The following RNASE6 variants were observed in gnomAD, a reference collection of about 807,000 sequenced individuals.
The protein encoded by RNASE6 is ribonuclease A family member 6.
For synonymous variants in RNASE6, 64 were observed against 63.6 expected, an observed-to-expected ratio of 1.01 and a Z score of -0.03; for missense variants, 197 against 181.9, an observed-to-expected ratio of 1.08 and a Z score of -0.48.
At position 20,781,978 on chromosome 14, in the gene RNASE6, C is replaced by G; in HGVS notation, c.279C>G (p.His93Gln). 3 of 1,614,204 alleles carry G rather than the reference C, an allele frequency of 1.9e-6. No homozygotes were observed. Among genetic ancestry groups the G allele is most frequent in the Non-Finnish European group, 2.5e-6 (3 of 1,180,030 alleles). ...GCAAAAATCGTCGGCACAACTGCCA[C>G]CAGAGCTCAAAGCCTGTCAACATGA... ...IVCKNRRHNC[H>Q]QSSKPVNMTD... Residue 93 changes from histidine to glutamine, a missense_variant, in exon 2 of 2, where the codon CAC becomes CAG. Transcript: ENST00000304677.
At position 20,782,422 on chromosome 14, in the gene RNASE6, T is replaced by C. The variant is rs924127974; in HGVS notation, c.*270T>C. Reference sequence around the variant, plus strand: ...ACCCTGCAACTTTTGCCAAGCTTTATTGCCCTGTGTTCACAGCAATAAAAC... The same window carrying C: ...ACCCTGCAACTTTTGCCAAGCTTTACTGCCCTGTGTTCACAGCAATAAAAC... On this transcript the variant is annotated 3_prime_UTR_variant, in exon 2 of 2. Coordinates refer to ENST00000304677, the MANE Select transcript of RNASE6 (RefSeq NM_005615.5). 1 of 460,098 alleles carries C rather than the reference T, an allele frequency of 2.2e-6. No individual in the cohort carries two copies. The allele number at this position is 460,098 out of a possible 1,614,324, so 28.5% of individuals were successfully genotyped here.
Position 20,781,354 on chromosome 14 carries a change from T to A in RNASE6, c.-6+16T>A. 1 of 220,588 alleles carries A rather than the reference T, an allele frequency of 4.5e-6. No homozygotes were observed. The allele number at this position is 220,588 out of a possible 1,614,324, so 13.7% of individuals were successfully genotyped here. A position where few individuals can be genotyped will look rare whatever the true frequency, so the allele number is the denominator to read the frequency against. On this transcript the variant is annotated intron_variant, in intron 1 of 1. Transcript: ENST00000304677. ...CTGAGACCAGGTAAGAAAGAAAGCC[T>A]CAGGGCTGGAGCGAGTAGAGCAGTA...
rs1431503522 is a variant in RNASE6, at chr14:20,782,425, C to T, written c.*273C>T. 6.7e-6 allele frequency: 3 copies of T among 451,000 alleles called. No homozygotes were observed. The highest frequency in any genetic ancestry group is 7.9e-5 in the East Asian group (2 of 25,312). 27.9% of individuals were successfully genotyped at this position (451,000 alleles called of 1,614,324 possible). A position where few individuals can be genotyped will look rare whatever the true frequency, so the allele number is the denominator to read the frequency against. ...CTGCAACTTTTGCCAAGCTTTATTG[C>T]CCTGTGTTCACAGCAATAAAACCAC... On this transcript the variant is annotated 3_prime_UTR_variant, in exon 2 of 2. Coordinates refer to ENST00000304677, the MANE Select transcript of RNASE6 (RefSeq NM_005615.5).
In RNASE6 at chr14:20,782,408, T is replaced by A. The variant is rs900352698; in HGVS notation, c.*256T>A. On this transcript the variant is annotated 3_prime_UTR_variant, in exon 2 of 2. Transcript: ENST00000304677. ...GATTCAGATTTCTAACCCTGCAACT[T>A]TTGCCAAGCTTTATTGCCCTGTGTT... 4.1e-6 allele frequency: 2 copies of A among 487,716 alleles called. No homozygotes were observed. Among genetic ancestry groups the A allele is most frequent in the African/African-American group, 2.0e-5 (1 of 51,212 alleles). 30.2% of individuals were successfully genotyped at this position (487,716 alleles called of 1,614,324 possible). A position where few individuals can be genotyped will look rare whatever the true frequency, so the allele number is the denominator to read the frequency against.
chr14:20,782,113 CT>C lies in RNASE6; in HGVS notation c.415del (p.Tyr139ThrfsTer8), dbSNP rs758568966. On this transcript the variant is annotated frameshift_variant, in exon 2 of 2. Coordinates refer to ENST00000304677, the MANE Select transcript of RNASE6 (RefSeq NM_005615.5). LOFTEE classifies it high-confidence loss of function. ...CDPPQKSDPP[Y>X]KLVPVHLDSI... ...ACCCCCCTCAGAAGAGCGATCCCCC[CT>C]ACAAGTTGGTTCCTGTACACTTAGA... is the stretch of plus-strand genomic sequence containing the variant. 1.9e-6 allele frequency: 3 copies of C among 1,611,930 alleles called. No individual in the cohort carries two copies. Among genetic ancestry groups the C allele is most frequent in the Middle Eastern group, 1.7e-4 (1 of 6,050 alleles).
In RNASE6 at chr14:20,781,730, C is replaced by G. The variant is rs1482519424; in HGVS notation, c.31C>G (p.Leu11Val). The G allele has an allele frequency of 6.2e-7, 1 of 1,612,370 alleles. No individual in the cohort carries two copies. Among genetic ancestry groups the G allele is most frequent in the East Asian group, 2.2e-5 (1 of 44,872 alleles). The change falls in exon 2 of 2, where the codon CTG becomes GTG. Residue 11 changes from leucine (L) to valine (V), a missense_variant. Transcript: ENST00000304677. ...GCTATGCTTTCCTCTTCTTTTACTG[C>G]TGCTGGTTCTATGGGGACCAGTGTG... is the stretch of plus-strand genomic sequence containing the variant. MVLCFPLLLLLLVLWGPVCPL... is the reference protein window; with the variant it reads MVLCFPLLLLVLVLWGPVCPL...
Position 20,781,711 on chromosome 14 carries a change from C to T in RNASE6, c.12C>T (p.Cys4=). The T allele has an allele frequency of 6.2e-7, 1 of 1,607,496 alleles. No individual in the cohort carries two copies. The highest frequency in any genetic ancestry group is 8.5e-7 in the Non-Finnish European group (1 of 1,176,544). Residue 4 remains cysteine, a synonymous_variant, in exon 2 of 2, where the codon TGC becomes TGT. Transcript: ENST00000304677. Reference sequence around the variant, plus strand: ...TCTACACAGAAAAGATGGTGCTATGCTTTCCTCTTCTTTTACTGCTGCTGG... The same window carrying T: ...TCTACACAGAAAAGATGGTGCTATGTTTTCCTCTTCTTTTACTGCTGCTGG... MVL[C]FPLLLLLLVL...
intron 1 of RNASE6, 149 bp from the exon 2 acceptor site, chr14:20,781,545 CT>C: frequency 1.6e-6 from 1 of 620,316 alleles, no homozygotes; most frequent in South Asian, 2.3e-5. Flanking sequence ...GCTTCAGGTT[CT>C]TCATAGAATT....
chr14:20,781,770 G>T lies in RNASE6; in HGVS notation c.71G>T (p.Trp24Leu). ...LWGPVCPLHA[W>L]PKRLTKAHWF... ...GGACCAGTGTGTCCACTTCATGCTT[G>T]GCCTAAGCGTCTCACCAAGGCTCAC... Residue 24 changes from tryptophan (W) to leucine (L), a missense_variant, in exon 2 of 2, where the codon TGG becomes TTG. Trp to Leu is a moderately conservative substitution (Grantham distance 61). Transcript: ENST00000304677. 1 of 1,614,068 alleles carries T rather than the reference G, an allele frequency of 6.2e-7. No individual in the cohort carries two copies. Among genetic ancestry groups the T allele is most frequent in the Non-Finnish European group, 8.5e-7 (1 of 1,180,004 alleles).
chr14:20,782,173 T>C lies in RNASE6; in HGVS notation c.*21T>C, dbSNP rs1280919561. 6.6e-7 allele frequency: 1 copy of C among 1,516,178 alleles called. No homozygotes were observed. Among genetic ancestry groups the C allele is most frequent in the Middle Eastern group, 1.8e-4 (1 of 5,542 alleles). 93.9% of individuals were successfully genotyped at this position (1,516,178 alleles called of 1,614,324 possible). On this transcript the variant is annotated 3_prime_UTR_variant, in exon 2 of 2. Coordinates refer to ENST00000304677, the MANE Select transcript of RNASE6 (RefSeq NM_005615.5). ...TCTAAGGCATCCACTGCATTTCCTT[T>C]CATTTGACATAGCTTCTGTTACAAT... is the stretch of plus-strand genomic sequence containing the variant.
chr14:20,781,928 G>A lies in RNASE6; in HGVS notation c.229G>A (p.Val77Ile). 6.2e-7 allele frequency: 1 copy of A among 1,614,218 alleles called. No homozygotes were observed. Among genetic ancestry groups the A allele is most frequent in the Non-Finnish European group, 8.5e-7 (1 of 1,180,044 alleles). The change falls in exon 2 of 2, where the codon GTC becomes ATC. Residue 77 changes from valine to isoleucine, a missense_variant. By Grantham distance (29) the Val-to-Ile change is conservative. Coordinates refer to ENST00000304677, the MANE Select transcript of RNASE6 (RefSeq NM_005615.5). Reference sequence around the variant, plus strand: ...TGACTCTTTCCAGAATGTGGCTGCTGTCTGTGATTTGCTCAGCATTGTCTG... The same window carrying A: ...TGACTCTTTCCAGAATGTGGCTGCTATCTGTGATTTGCTCAGCATTGTCTG... ...LHDSFQNVAA[V>I]CDLLSIVCKN...
chr14:20,781,877 T>C lies in RNASE6; in HGVS notation c.178T>C (p.Cys60Arg), dbSNP rs752934313. ...TGGCATCAACAATTATACCCAGCAC[T>C]GTAAGCATCAAAATACCTTTCTGCA... ...MSGINNYTQH[C>R]KHQNTFLHDS... Residue 60 changes from cysteine to arginine, a missense_variant, in exon 2 of 2, where the codon TGT becomes CGT. By Grantham distance (180) the Cys-to-Arg change is radical. Transcript: ENST00000304677. The C allele has an allele frequency of 3.1e-6, 5 of 1,614,126 alleles. No individual in the cohort carries two copies. Among genetic ancestry groups the C allele is most frequent in the African/African-American group, 1.3e-5 (1 of 74,946 alleles).
At position 20,782,119 on chromosome 14, in the gene RNASE6, G is replaced by T; in HGVS notation, c.420G>T (p.Lys140Asn). 1.2e-6 allele frequency: 2 copies of T among 1,610,706 alleles called. No individual in the cohort carries two copies. Among genetic ancestry groups the T allele is most frequent in the South Asian group, 2.2e-5 (2 of 90,524 alleles). The change falls in exon 2 of 2, where the codon AAG (lysine) becomes AAT (asparagine). Residue 140 changes from lysine (K) to asparagine (N), a missense_variant. Lys to Asn is a moderately conservative substitution (Grantham distance 94). Coordinates refer to ENST00000304677, the MANE Select transcript of RNASE6 (RefSeq NM_005615.5). Reference sequence around the variant, plus strand: ...CTCAGAAGAGCGATCCCCCCTACAAGTTGGTTCCTGTACACTTAGATAGTA... The same window carrying T: ...CTCAGAAGAGCGATCCCCCCTACAATTTGGTTCCTGTACACTTAGATAGTA... ...DPPQKSDPPY[K>N]LVPVHLDSIL is the part of the protein sequence containing the mutation.
chr14:20,781,990 G>A lies in RNASE6; in HGVS notation c.291G>A (p.Lys97=). ...GGCACAACTGCCACCAGAGCTCAAAGCCTGTCAACATGACTGACTGCAGAC... is the reference window on the plus strand; with the variant it reads ...GGCACAACTGCCACCAGAGCTCAAAACCTGTCAACATGACTGACTGCAGAC... ...NRRHNCHQSS[K]PVNMTDCRLT... Residue 97 remains lysine (K), a synonymous_variant, in exon 2 of 2, where the codon AAG becomes AAA. Coordinates refer to ENST00000304677, the MANE Select transcript of RNASE6 (RefSeq NM_005615.5). 3 of 1,614,186 alleles carry A rather than the reference G, an allele frequency of 1.9e-6. No homozygotes were observed. Among genetic ancestry groups the A allele is most frequent in the Non-Finnish European group, 2.5e-6 (3 of 1,180,026 alleles).
rs751310586 is a variant in RNASE6 at position 20,781,867 on chromosome 14, T to C, written c.168T>C (p.Tyr56=). Residue 56 remains tyrosine (Y), a synonymous_variant, in exon 2 of 2, where the codon TAT becomes TAC. Transcript: ENST00000304677. The stretch of plus-strand genomic sequence containing the variant: ...GGGCAATGAGTGGCATCAACAATTA[T>C]ACCCAGCACTGTAAGCATCAAAATA... ...CNRAMSGINN[Y]TQHCKHQNTF... The C allele has an allele frequency of 2.5e-6, 4 of 1,614,098 alleles. No individual in the cohort carries two copies. The African/African-American group carries it at 4.0e-5, about 16-fold the overall frequency.
In RNASE6 at chr14:20,781,962, G is replaced by T; in HGVS notation, c.263G>T (p.Arg88Leu). ...TTGCTCAGCATTGTCTGCAAAAATC[G>T]TCGGCACAACTGCCACCAGAGCTCA... is the stretch of plus-strand genomic sequence containing the variant. ...CDLLSIVCKN[R>L]RHNCHQSSKP... Residue 88 changes from arginine (R) to leucine (L), a missense_variant, in exon 2 of 2, where the codon CGT becomes CTT. By Grantham distance (102) the Arg-to-Leu change is moderately radical. Coordinates refer to ENST00000304677, the MANE Select transcript of RNASE6 (RefSeq NM_005615.5). 6.2e-7 allele frequency: 1 copy of T among 1,614,122 alleles called. No homozygotes were observed.
At chr14:20,781,615 T>TA (rs1275123541) in intron 1 of RNASE6, 80 bp from the exon 2 acceptor site, 3 of 1,126,270 alleles carry the variant, frequency 2.7e-6, no homozygotes, top group Non-Finnish European at 3.7e-6. Context: ...AAAGGCAAAA[T>TA]AAAAATCTAA....
rs748868196 is a variant in RNASE6 at position 20,782,093 on chromosome 14, C to G, written c.394C>G (p.Pro132Ala). Residue 132 changes from proline to alanine, a missense_variant, in exon 2 of 2, where the codon CCT (proline) becomes GCT (alanine). Coordinates refer to ENST00000304677, the MANE Select transcript of RNASE6 (RefSeq NM_005615.5). ...ATTCTTCATTGTTGCCTGTGACCCC[C>G]CTCAGAAGAGCGATCCCCCCTACAA... The part of the protein sequence containing the change: ...YKFFIVACDP[P>A]QKSDPPYKLV... The G allele has an allele frequency of 2.5e-6, 4 of 1,613,736 alleles. No individual in the cohort carries two copies. The highest frequency in any genetic ancestry group is 2.7e-5 in the African/African-American group (2 of 74,892).
intron 1 of RNASE6, 146 bp from the exon 2 acceptor site, chr14:20,781,549 A>T: frequency 1.6e-6 from 1 of 633,166 alleles, no homozygotes. Flanking sequence ...CAGGTTCTTC[A>T]TAGAATTGTG....
Sources: gnomAD v4.1 joint callset for allele counts on GRCh38, gnomAD v4.1.1 for gene constraint, MANE v1.5 for transcripts, NCBI Gene and HGNC (gene_info 2026-07-23, HGNC 2026-07-21) for gene names.